Variants in ANKDD1A observed in about 807,000 individuals in gnomAD.
The protein encoded by ANKDD1A is ankyrin repeat and death domain containing 1A.
A neutral mutation model predicts 63.5 loss-of-function variants in ANKDD1A; 59 were observed. The ratio of observed to expected loss-of-function variants is 0.93; its 90% CI spans 0.75 to 1.15. The LOEUF (loss-of-function observed/expected upper bound fraction) is 1.15, where lower values mean the gene tolerates loss of function less well. Among genes scored for constraint, ANKDD1A ranks in the 50% most tolerant of loss-of-function variants. ANKDD1A has a pLI of 0.00. For missense variants in ANKDD1A, 632 were observed against 656.4 expected, an observed-to-expected ratio of 0.96 and a Z score of 0.41; for synonymous variants, 266 against 263.9, an observed-to-expected ratio of 1.01 and a Z score of -0.08.
chr15:64,944,612 T>A, intron 11 of ANKDD1A, 40 bp from the exon 12 acceptor site: 2 of 1,590,992 alleles, frequency 1.3e-6, no homozygotes, highest in Non-Finnish European at 1.7e-6. Context: ...GTACCCCTCC[T>A]GTAGAAACTC....
intron 9 of ANKDD1A, among the ~76,000 whole-genome samples, chr15:64,940,608 AT>A (rs587696660): frequency 0.89 from 132,068 of 148,864 alleles, 60,326 homozygotes; most frequent in East Asian, 1. Context: ...AATTTTTTGT[AT>A]TTTTTTTTTT....
intron 14 of ANKDD1A, among the ~76,000 whole-genome samples, chr15:64,956,030 C>A (rs1270244759): frequency 2.6e-5 from 4 of 152,046 alleles, no homozygotes; most frequent in African/African-American, 7.2e-5. Flanking sequence ...GAATTCTGTT[C>A]AGCAGTGAAA....
intron 14 of ANKDD1A, among the ~76,000 whole-genome samples, chr15:64,954,534 CCTTCTCCTTCTTCTTTTCTT>C (rs1211052840): frequency 4.8e-5 from 1 of 20,746 alleles, no homozygotes; most frequent in Non-Finnish European, 2.5e-4. Context: ...CCTTCTTCCT[CCTTCTCCTTCTTCTTTTCTT>C]CTTCCTTCTC....
At chr15:64,954,107 CTTCCTTT>C (rs147574561) in intron 14 of ANKDD1A, among the ~76,000 whole-genome samples, 2,826 of 135,978 alleles carry the variant, frequency 0.021, 47 homozygotes, top group Admixed American at 0.033. Flanking sequence ...CTCTTTTCTT[CTTCCTTT>C]CTTTTCTCCT....
chr15:64,945,605 A>AATTTATATATATATATAT (rs2085215731), intron 12 of ANKDD1A, among the ~76,000 whole-genome samples: 1 of 3,818 alleles, frequency 2.6e-4, no homozygotes, highest in African/African-American at 7.4e-4. Context: ...ATGCATTTTC[A>AATTTATATATATATATAT]ACATATATAT....
intron 4 of ANKDD1A, among the ~76,000 whole-genome samples, chr15:64,923,840 T>C (rs1228224587): frequency 6.6e-6 from 1 of 152,154 alleles, no homozygotes; most frequent in African/African-American, 2.4e-5. Context: ...TGATGGAGTA[T>C]ACTATAAACA....
intron 9 of ANKDD1A, among the ~76,000 whole-genome samples, chr15:64,934,935 C>T (rs966942209): frequency 6.6e-6 from 1 of 152,096 alleles, no homozygotes; most frequent in Non-Finnish European, 1.5e-5. Flanking sequence ...TTGGTTAAAA[C>T]ACAGACTTTG....
At chr15:64,949,130 G>A (rs541906960) in intron 13 of ANKDD1A, among the ~76,000 whole-genome samples, 2 of 152,388 alleles carry the variant, frequency 1.3e-5, no homozygotes, top group South Asian at 2.1e-4. Flanking sequence ...CCTGATGGGC[G>A]TGGCCCAGCA....
chr15:64,929,234 C>T (rs1037366196), intron 6 of ANKDD1A, among the ~76,000 whole-genome samples: 5 of 152,126 alleles, frequency 3.3e-5, no homozygotes, highest in Admixed American at 1.3e-4. Context: ...AGTGTAGTGG[C>T]GTAATCACAG....
chr15:64,956,164 AT>A (rs911393449), intron 14 of ANKDD1A, among the ~76,000 whole-genome samples: 1 of 151,890 alleles, frequency 6.6e-6, no homozygotes, highest in African/African-American at 2.4e-5. Flanking sequence ...TAGCTGCACC[AT>A]TTTTAGAGAA....
At chr15:64,914,589 T>G (rs1180503480) in intron 1 of ANKDD1A, among the ~76,000 whole-genome samples, 3 of 152,264 alleles carry the variant, frequency 2.0e-5, no homozygotes, top group Non-Finnish European at 1.5e-5. Flanking sequence ...CCACCATGCC[T>G]GGCTCAAAAG....
chr15:64,956,512 C>T (rs1259909023), intron 14 of ANKDD1A, among the ~76,000 whole-genome samples: 1 of 151,990 alleles, frequency 6.6e-6, no homozygotes, highest in Non-Finnish European at 1.5e-5. Context: ...GAGACTGTGC[C>T]ACTGCACTCC....
intron 14 of ANKDD1A, among the ~76,000 whole-genome samples, chr15:64,953,631 C>CAG: frequency 9.0e-4 from 2 of 2,234 alleles, no homozygotes; most frequent in South Asian, 0.011. Context: ...CTTCTTCTTC[C>CAG]TTCTTCTTCC....
At chr15:64,956,712 T>G (rs1210141972) in intron 14 of ANKDD1A, among the ~76,000 whole-genome samples, 1 of 151,860 alleles carries the variant, frequency 6.6e-6, no homozygotes, top group Non-Finnish European at 1.5e-5. Flanking sequence ...CACACCATCA[T>G]GCCCGGCTAA....
chr15:64,940,435 T>TAGATAGATAG lies in ANKDD1A; in HGVS notation c.868-2031_868-2030insGATAGATAGA, dbSNP rs1595853972. ...AGATAGATAGATAGATAGATAGATA[T>TAGATAGATAG]ATAGATATTTTTTTTGAGACAGAGT... On this transcript the variant is annotated intron_variant, in intron 9 of 14. Transcript: ENST00000319580. Among the ~76,000 whole-genome samples the TAGATAGATAG allele has an allele frequency of 2.1e-3, 260 of 121,984 alleles. 2 individuals are homozygous for TAGATAGATAG. Among genetic ancestry groups the TAGATAGATAG allele is most frequent in the East Asian group, 3.3e-3 (16 of 4,790 alleles). 80.0% of individuals were successfully genotyped at this position (121,984 alleles called of 152,430 possible).
At chr15:64,944,311 T>C (rs527875858) in intron 11 of ANKDD1A, among the ~76,000 whole-genome samples, 1 of 152,322 alleles carries the variant, frequency 6.6e-6, no homozygotes, top group East Asian at 1.9e-4. Context: ...AGCCCCCATC[T>C]CTGGGCTCTG....
At chr15:64,939,753 T>C (rs1212250287) in intron 9 of ANKDD1A, among the ~76,000 whole-genome samples, 1 of 152,232 alleles carries the variant, frequency 6.6e-6, no homozygotes, top group Non-Finnish European at 1.5e-5. Flanking sequence ...GAAGGTTTGA[T>C]AGCCTTTTCA....
At chr15:64,952,107 TTC>T (rs2085297924) in intron 14 of ANKDD1A, among the ~76,000 whole-genome samples, 1 of 23,542 alleles carries the variant, frequency 4.2e-5, no homozygotes. Context: ...CTTCCTTCTT[TTC>T]TTCTTCTTTC....
In ANKDD1A at chr15:64,947,551, TTCACGGAGGCAC is replaced by T; in HGVS notation, c.1310_1321del (p.Phe437_His441delinsTyr). On this transcript the variant is annotated inframe_deletion, in exon 13 of 15. Transcript: ENST00000319580. Reference sequence around the variant, plus strand: ...GAAGAAGCTGGCATATTCCTGGGAGTTCACGGAGGCACATGTCGACGCCATCGAGCAACAGTG... The same window carrying T: ...GAAGAAGCTGGCATATTCCTGGGAGTATGTCGACGCCATCGAGCAACAGTG... 1.2e-6 allele frequency: 2 copies of T among 1,613,934 alleles called. No homozygotes were observed. The highest frequency in any genetic ancestry group is 1.7e-6 in the Non-Finnish European group (2 of 1,179,970).
Sources: allele counts gnomAD v4.1 joint callset (sites outside exome capture counted in the v4.1 genomes callset), GRCh38; gene constraint gnomAD v4.1.1; transcripts MANE v1.5; gene names NCBI Gene and HGNC (gene_info 2026-07-23, HGNC 2026-07-21).